VPS13A: variants seen among roughly 807,000 people sequenced by gnomAD.
The protein encoded by VPS13A is vacuolar protein sorting 13 homolog A, also known as intermembrane lipid transfer protein VPS13A.
In VPS13A, 264 loss-of-function variants were observed where a neutral mutation model predicts 390.9. The ratio of observed to expected loss-of-function variants is 0.68; its 90% CI spans 0.61 to 0.75. VPS13A has a LOEUF of 0.75. VPS13A is among the 30% of genes least tolerant of loss of function. The pLI is 0.00. For missense variants in VPS13A, 3,409 were observed against 3,733.9 expected (o/e 0.91, Z 2.27); for synonymous variants, 1,231 against 1,227.1 (o/e 1.00, Z -0.07).
chr9:77,324,503 A>G (rs1326568734), intron 45 of VPS13A, among the ~76,000 whole-genome samples: 2 of 152,266 alleles, frequency 1.3e-5, no homozygotes, highest in African/African-American at 2.4e-5. Flanking sequence ...AGAGGAGGAT[A>G]TATTTTTTAA....
At chr9:77,245,140 C>T (rs893939491) in intron 19 of VPS13A, among the ~76,000 whole-genome samples, 45 of 152,196 alleles carry the variant, frequency 3.0e-4, no homozygotes, top group Admixed American at 2.7e-3. Flanking sequence ...GGGAGAGACC[C>T]AATCAACCTA....
intron 68 of VPS13A, chr9:77,384,994 T>G: frequency 9.3e-7 from 1 of 1,070,634 alleles, no homozygotes; most frequent in Non-Finnish European, 1.1e-6. Context: ...TCACTGGTTT[T>G]ATTTTAAATT....
At chr9:77,374,376 A>C (rs942265384) in intron 67 of VPS13A, among the ~76,000 whole-genome samples, 4 of 152,232 alleles carry the variant, frequency 2.6e-5, no homozygotes, top group African/African-American at 9.6e-5. Context: ...ACTTGAACAC[A>C]AGCACTGTAA....
chr9:77,313,731 TG>T (rs1829225181), intron 35 of VPS13A, among the ~76,000 whole-genome samples: 1 of 152,168 alleles, frequency 6.6e-6, no homozygotes, highest in Non-Finnish European at 1.5e-5. Context: ...TATTTTTCCT[TG>T]GAACAGAACA....
chr9:77,335,377 A>T (rs1040854108), intron 46 of VPS13A, among the ~76,000 whole-genome samples: 1 of 152,314 alleles, frequency 6.6e-6, no homozygotes, highest in Middle Eastern at 3.4e-3. Flanking sequence ...TAAACTAAAG[A>T]GCTTCTGCAC....
Position 77,228,153 on chromosome 9 carries a change from A to G in VPS13A, c.1484A>G (p.Lys495Arg). 1.2e-6 allele frequency: 2 copies of G among 1,604,020 alleles called. No homozygotes were observed. Among genetic ancestry groups the G allele is most frequent in the Non-Finnish European group, 1.7e-6 (2 of 1,175,116 alleles). Residue 495 changes from lysine (K) to arginine (R), a missense_variant, in exon 17 of 72, where the codon AAA becomes AGA. Coordinates refer to ENST00000360280, the MANE Select transcript of VPS13A (RefSeq NM_033305.3). ...GCCTTGAAGTTTTTTGTCCACTTGA[A>G]AAGTATGTCTATTGTTCTAAGAGAA... ...FEALKFFVHL[K>R]SMSIVLRENH...
rs1355919681 is a variant in VPS13A at position 77,221,284 on chromosome 9, G to A, written c.1089G>A (p.Lys363=). 1.9e-6 allele frequency: 3 copies of A among 1,613,442 alleles called. No individual in the cohort carries two copies. The highest frequency in any genetic ancestry group is 2.5e-6 in the Non-Finnish European group (3 of 1,179,568). Residue 363 remains lysine, a synonymous_variant, in exon 13 of 72, where the codon AAG becomes AAA. Coordinates refer to ENST00000360280, the MANE Select transcript of VPS13A (RefSeq NM_033305.3). ...KHIRKHRQKV[K]QYKELYKKKL... is the part of the protein sequence containing the mutation. ...TTAGAAAACATAGGCAAAAAGTGAA[G>A]CAATATAAAGAACTGTATAAAAAAA...
chr9:77,188,544 C>T (rs1007516691), intron 1 of VPS13A, among the ~76,000 whole-genome samples: 1 of 152,182 alleles, frequency 6.6e-6, no homozygotes, highest in Non-Finnish European at 1.5e-5. Context: ...GATTCCATGT[C>T]TTTGCTATTG....
Position 77,194,990 on chromosome 9 carries a change from A to G in VPS13A, c.101-4955A>G, listed in dbSNP as rs574043029. On this transcript the variant is annotated intron_variant, in intron 1 of 71. Transcript: ENST00000360280. ...ACATTTGACGAAGTCCAATTCACCT[A>G]TTTTTTTTCTTTTGTTGCCTATGCT... Among the ~76,000 whole-genome samples the G allele has an allele frequency of 6.0e-5, 9 of 150,614 alleles. 1 individual carries two copies. The South Asian group carries it at 1.3e-3, about 21-fold the overall frequency.
intron 67 of VPS13A, among the ~76,000 whole-genome samples, chr9:77,377,375 G>A (rs1161333816): frequency 5.9e-5 from 9 of 151,304 alleles, no homozygotes; most frequent in East Asian, 5.9e-4. Flanking sequence ...GCCCGCCACC[G>A]CGCCCGGCTA....
intron 68 of VPS13A, among the ~76,000 whole-genome samples, chr9:77,399,301 A>G (rs1834273834): frequency 6.6e-6 from 1 of 151,778 alleles, no homozygotes; most frequent in Non-Finnish European, 1.5e-5. Context: ...TTGGATGGAA[A>G]GCATTATATG....
Position 77,344,198 on chromosome 9 carries a change from C to T in VPS13A, c.7072C>T (p.Gln2358Ter), listed in dbSNP as rs981025037. The change falls in exon 51 of 72, where the codon CAA becomes TAA. Residue 2358 changes from glutamine (Q) to a stop codon, truncating the protein, a stop_gained. Coordinates refer to ENST00000360280, the MANE Select transcript of VPS13A (RefSeq NM_033305.3). LOFTEE classifies it high-confidence loss of function. ...PEYASSKLLI[Q>*]VERSEDPPKR... ...GTATGCTTCTAGTAAACTTCTTATT[C>T]AAGTCGAAAGGAGTGAAGATCCTCC... The T allele has an allele frequency of 6.2e-7, 1 of 1,611,914 alleles. No homozygotes were observed. Among genetic ancestry groups the T allele is most frequent in the Non-Finnish European group, 8.5e-7 (1 of 1,178,338 alleles).
chr9:77,381,905 A>G (rs1394644049), intron 67 of VPS13A, 71 bp from the exon 68 acceptor site: 3 of 971,356 alleles, frequency 3.1e-6, no homozygotes, highest in Non-Finnish European at 4.7e-6. Flanking sequence ...GTTTTTAGTA[A>G]TTGCATTTTA....
chr9:77,198,226 G>A (rs943738334), intron 1 of VPS13A, among the ~76,000 whole-genome samples: 11 of 152,060 alleles, frequency 7.2e-5, no homozygotes, highest in African/African-American at 2.7e-4. Flanking sequence ...GGGATGAGGA[G>A]GCATTTTGCT....
At chr9:77,384,604 A>G (rs1833603199) in intron 68 of VPS13A, 1 of 1,611,154 alleles carries the variant, frequency 6.2e-7, no homozygotes, top group Non-Finnish European at 8.5e-7. Context: ...TTCTACAGGG[A>G]GTGGATTATG....
At chr9:77,376,659 A>G (rs1833095402) in intron 67 of VPS13A, among the ~76,000 whole-genome samples, 1 of 152,188 alleles carries the variant, frequency 6.6e-6, no homozygotes, top group Admixed American at 6.5e-5. Context: ...TTTTGAATAT[A>G]TTAAGCTTAA....
At chr9:77,303,547 A>ACTC (rs1222911342) in intron 34 of VPS13A, among the ~76,000 whole-genome samples, 3 of 152,152 alleles carry the variant, frequency 2.0e-5, no homozygotes. Flanking sequence ...GGGGACCAGC[A>ACTC]CTCAGCACAC....
At chr9:77,235,565 G>T (rs1274704634) in intron 17 of VPS13A, among the ~76,000 whole-genome samples, 1 of 152,134 alleles carries the variant, frequency 6.6e-6, no homozygotes, top group Non-Finnish European at 1.5e-5. Flanking sequence ...CTTCTTGGAT[G>T]TATAAATTTG....
chr9:77,319,969 T>C (rs1829642844), intron 42 of VPS13A, among the ~76,000 whole-genome samples: 1 of 152,136 alleles, frequency 6.6e-6, no homozygotes, highest in Non-Finnish European at 1.5e-5. Flanking sequence ...CCCACATGCT[T>C]CCTTGTTTGC....
Sources: gnomAD v4.1 joint callset for allele counts (sites outside exome capture counted in the v4.1 genomes callset) on GRCh38, gnomAD v4.1.1 for gene constraint, MANE v1.5 for transcripts, NCBI Gene and HGNC (gene_info 2026-07-23, HGNC 2026-07-21) for gene names.